PHYHIPL: variants seen among roughly 807,000 people sequenced by gnomAD.
The protein encoded by PHYHIPL is phytanoyl-CoA 2-hydroxylase interacting protein like.
A neutral mutation model predicts 33.4 loss-of-function variants in PHYHIPL; 9 were observed. The observed-to-expected ratio is 0.27, with a 90% confidence interval of 0.16 to 0.47. PHYHIPL has a LOEUF of 0.47. Among genes scored for constraint, PHYHIPL ranks in the 20% least tolerant of loss-of-function variants. The pLI is 0.99. For synonymous variants in PHYHIPL, 153 were observed against 154.1 expected (o/e 0.99, Z 0.05); for missense variants, 365 against 460.7 (o/e 0.79, Z 1.90).
intron 1 of PHYHIPL, among the ~76,000 whole-genome samples, chr10:59,192,536 G>A (rs11595729): frequency 0.043 from 6,502 of 152,114 alleles, 196 homozygotes; most frequent in Middle Eastern, 0.095. Flanking sequence ...AAGAGATATT[G>A]GATATTTGTT....
upstream of PHYHIPL, chr10:59,176,561 A>C (rs75695798): frequency 1 from 240,299 of 240,308 alleles, 120,145 homozygotes; most frequent in Middle Eastern, 1. Context: ...AGCCCTATAC[A>C]TCACGTTCCC....
intron 1 of PHYHIPL, among the ~76,000 whole-genome samples, chr10:59,211,595 A>G (rs1396077488): frequency 2.1e-5 from 3 of 141,326 alleles, no homozygotes; most frequent in African/African-American, 7.8e-5. Flanking sequence ...AGGCTGGTCT[A>G]GAATTCCTGA....
upstream of PHYHIPL, among the ~76,000 whole-genome samples, chr10:59,174,772 C>T (rs1158281733): frequency 6.6e-6 from 1 of 152,212 alleles, no homozygotes; most frequent in Non-Finnish European, 1.5e-5. Context: ...ACCATCTAAC[C>T]TAGGTTATAA....
chr10:59,245,258 A>G lies in PHYHIPL; in HGVS notation c.798A>G (p.Leu266=). ...AACTTTTTAACCCCAATACTAACTTATACTTTGGGGACTTCTACTGTATGT... is the reference window on the plus strand; with the variant it reads ...AACTTTTTAACCCCAATACTAACTTGTACTTTGGGGACTTCTACTGTATGT... The part of the protein sequence containing the change: ...AEKLFNPNTN[L]YFGDFYCMYT... The change falls in exon 5 of 5, where the codon TTA becomes TTG. Residue 266 remains leucine, a synonymous_variant. Coordinates refer to ENST00000373880, the MANE Select transcript of PHYHIPL (RefSeq NM_032439.4). 6.2e-7 allele frequency: 1 copy of G among 1,614,018 alleles called. No homozygotes were observed. The highest frequency in any genetic ancestry group is 8.5e-7 in the Non-Finnish European group (1 of 1,179,924).
intron 1 of PHYHIPL, among the ~76,000 whole-genome samples, chr10:59,181,962 C>T (rs1248001226): frequency 6.6e-6 from 1 of 152,178 alleles, no homozygotes. Flanking sequence ...CTATAGAATG[C>T]TATTTAGACA....
intron 1 of PHYHIPL, among the ~76,000 whole-genome samples, chr10:59,211,418 C>T (rs151233148): frequency 6.6e-6 from 1 of 151,870 alleles, no homozygotes; most frequent in African/African-American, 2.4e-5. Flanking sequence ...CTCTTGTTGC[C>T]CAGGCTGGAG....
intron 1 of PHYHIPL, among the ~76,000 whole-genome samples, chr10:59,203,968 A>G (rs1839209341): frequency 6.6e-6 from 1 of 152,178 alleles, no homozygotes; most frequent in Non-Finnish European, 1.5e-5. Flanking sequence ...AGATGCATGT[A>G]TAAGGGTTAT....
chr10:59,212,158 T>C (rs780374788), intron 1 of PHYHIPL, among the ~76,000 whole-genome samples: 1 of 152,162 alleles, frequency 6.6e-6, no homozygotes, highest in Non-Finnish European at 1.5e-5. Context: ...TGCAGGACTC[T>C]GCAGAAAGTC....
At position 59,245,244 on chromosome 10, in the gene PHYHIPL, C is replaced by A; in HGVS notation, c.784C>A (p.Pro262Thr). 1 of 1,614,090 alleles carries A rather than the reference C, an allele frequency of 6.2e-7. No homozygotes were observed. ...GATTGCCGCAGAAAAACTTTTTAAC[C>A]CCAATACTAACTTATACTTTGGGGA... The part of the protein sequence containing the change: ...FEIAAEKLFN[P>T]NTNLYFGDFY... Residue 262 changes from proline to threonine, a missense_variant, in exon 5 of 5, where the codon CCC becomes ACC. Transcript: ENST00000373880.
intron 1 of PHYHIPL, among the ~76,000 whole-genome samples, chr10:59,184,804 C>G (rs1838524119): frequency 6.6e-6 from 1 of 151,092 alleles, no homozygotes; most frequent in Admixed American, 6.6e-5. Context: ...CCCCCCTCCC[C>G]CAACCCCACA....
intron 1 of PHYHIPL, among the ~76,000 whole-genome samples, chr10:59,211,551 C>T (rs1025350330): frequency 6.8e-6 from 1 of 146,636 alleles, no homozygotes; most frequent in Non-Finnish European, 1.5e-5. Context: ...TAATTTTGTG[C>T]TTTTAGTAGA....
chr10:59,186,889 T>C (rs1284322080), intron 1 of PHYHIPL, among the ~76,000 whole-genome samples: 1 of 152,216 alleles, frequency 6.6e-6, no homozygotes, highest in Non-Finnish European at 1.5e-5. Flanking sequence ...TTTCTAGATA[T>C]ACAATCATGT....
chr10:59,224,509 A>AAAAAC (rs1202429118), intron 1 of PHYHIPL, among the ~76,000 whole-genome samples: 10 of 144,996 alleles, frequency 6.9e-5, no homozygotes, highest in Non-Finnish European at 1.2e-4. Context: ...AAACAAAACA[A>AAAAAC]AAAACAAAAC....
chr10:59,200,357 T>G (rs765074822), intron 1 of PHYHIPL, among the ~76,000 whole-genome samples: 13 of 152,168 alleles, frequency 8.5e-5, no homozygotes, highest in Non-Finnish European at 1.9e-4. Flanking sequence ...GCTGGATTAC[T>G]TTTATTGATT....
chr10:59,247,533 A>G lies in PHYHIPL; in HGVS notation c.*1942A>G, dbSNP rs1397770097. ...AAGTGCTTCCATTTTCATTGTGTCA[A>G]AACTACTTAGCAAGGATGGCAGAGG... is the stretch of plus-strand genomic sequence containing the variant. On this transcript the variant is annotated 3_prime_UTR_variant, in exon 5 of 5. Transcript: ENST00000373880. 3.8e-6 allele frequency: 6 copies of G among 1,579,182 alleles called. No homozygotes were observed. The highest frequency in any genetic ancestry group is 1.7e-5 in the Admixed American group (1 of 57,850).
chr10:59,240,445 G>T (rs190919651), intron 4 of PHYHIPL, among the ~76,000 whole-genome samples: 1 of 151,756 alleles, frequency 6.6e-6, no homozygotes, highest in Admixed American at 6.6e-5. Context: ...AACATTTTCA[G>T]ATAACTTACG....
At position 59,245,178 on chromosome 10, in the gene PHYHIPL, A is replaced by G. The variant is rs1413734879; in HGVS notation, c.718A>G (p.Lys240Glu). ...FSCSTEFNTG[K>E]PPQDSPYGRY... ...CTGCAGCACTGAATTCAATACTGGA[A>G]AGCCACCCCAGGATTCACCTTATGG... The change falls in exon 5 of 5, where the codon AAG becomes GAG. Residue 240 changes from lysine to glutamate, a missense_variant. Lys to Glu is a moderately conservative substitution (Grantham distance 56). This residue lies in a region of PHYHIPL where 196 missense variants were observed against 224.9 expected (regional missense o/e 0.87). Transcript: ENST00000373880. 1.2e-6 allele frequency: 2 copies of G among 1,614,142 alleles called. No individual in the cohort carries two copies. Among genetic ancestry groups the G allele is most frequent in the Admixed American group, 3.3e-5 (2 of 60,016 alleles).
chr10:59,218,947 TC>T lies in PHYHIPL; in HGVS notation c.107-15356del, dbSNP rs201387372. The stretch of plus-strand genomic sequence containing the variant: ...TTTTATTTTATTTTATTTATTTTTT[TC>T]GAGACTGAGTCCCACTCTGTTACCC... On this transcript the variant is annotated intron_variant, in intron 1 of 4. Transcript: ENST00000373880. Among the ~76,000 whole-genome samples the T allele has an allele frequency of 4.7e-3, 709 of 152,202 alleles. 21 individuals are homozygous for T. The highest frequency in any genetic ancestry group is 0.043 in the East Asian group (222 of 5,178).
chr10:59,189,731 A>G (rs1269637759), intron 1 of PHYHIPL, among the ~76,000 whole-genome samples: 1 of 152,036 alleles, frequency 6.6e-6, no homozygotes, highest in Non-Finnish European at 1.5e-5. Flanking sequence ...AATGGAGTAT[A>G]GAAGAGAAAG....
Sources: gnomAD v4.1 joint callset for allele counts (sites outside exome capture counted in the v4.1 genomes callset) on GRCh38, gnomAD v4.1.1 for gene constraint, gnomAD v4.1.1 regional missense constraint, MANE v1.5 for transcripts, NCBI Gene and HGNC (gene_info 2026-07-23, HGNC 2026-07-21) for gene names.